The following TTC24 variants were observed in gnomAD, a reference collection of about 807,000 sequenced individuals.
The protein encoded by TTC24 is tetratricopeptide repeat domain 24, also known as tetratricopeptide repeat protein 24.
In TTC24, 54 loss-of-function variants were observed where a neutral mutation model predicts 63.3. That is an observed-to-expected ratio of 0.85 (90% CI 0.69 to 1.07). The LOEUF (loss-of-function observed/expected upper bound fraction) is 1.07, where lower values mean the gene tolerates loss of function less well. Among genes scored for constraint, TTC24 ranks in the 50% least tolerant of loss-of-function variants. The pLI, the probability that TTC24 is intolerant of heterozygous loss-of-function variation, is 0.00. For synonymous variants in TTC24, 276 were observed against 304.3 expected (o/e 0.91, Z 0.97); for missense variants, 680 against 730.5 (o/e 0.93, Z 0.80).
chr1:156,579,870 A>C (rs1348095489), intron 1 of TTC24, 112 bp downstream of exon 1: 4 of 151,970 alleles, frequency 2.6e-5, no homozygotes, highest in African/African-American at 9.7e-5. Flanking sequence ...AAGCAGGGGG[A>C]ATTTCTTTTA....
chr1:156,583,528 C>T lies in TTC24; in HGVS notation c.1152+78C>T, dbSNP rs766099331. 14 of 1,208,972 alleles carry T rather than the reference C, an allele frequency of 1.2e-5. No homozygotes were observed. Among genetic ancestry groups the T allele is most frequent in the Non-Finnish European group, 1.5e-5 (13 of 862,154 alleles). The allele number at this position is 1,208,972 out of a possible 1,614,324, so 74.9% of individuals were successfully genotyped here. A position where few individuals can be genotyped will look rare whatever the true frequency, so the allele number is the denominator to read the frequency against. ...TGACATTCCTGCCTTCACTCCTTGTCTTCTCCCCATCACTCACTCAATCAG... is the reference window on the plus strand; with the variant it reads ...TGACATTCCTGCCTTCACTCCTTGTTTTCTCCCCATCACTCACTCAATCAG... On this transcript the variant is annotated intron_variant, in intron 5 of 10. Transcript: ENST00000368236. The surrounding 1 kb of genome is among the most constrained non-coding windows in gnomAD (Gnocchi z 4.0).
At chr1:156,582,198 C>G in intron 2 of TTC24, 33 bp from the exon 3 acceptor site, 1 of 1,527,306 alleles carries the variant, frequency 6.5e-7, no homozygotes, top group Non-Finnish European at 8.8e-7. Flanking sequence ...TATATCTGGT[C>G]TGGCTACCAG....
In TTC24 at chr1:156,583,412, G is replaced by C; in HGVS notation, c.1114G>C (p.Ala372Pro). 1.9e-6 allele frequency: 3 copies of C among 1,611,090 alleles called. No homozygotes were observed. Among genetic ancestry groups the C allele is most frequent in the Non-Finnish European group, 2.5e-6 (3 of 1,178,896 alleles). ...AGCCAGGCTGGGGCAGTATGACCAG[G>C]CCTTGAAGTACTATAAGGAAGCACT... ...AAARLGQYDQ[A>P]LKYYKEALAQ... Residue 372 changes from alanine (A) to proline (P), a missense_variant, in exon 5 of 11, where the codon GCC becomes CCC. By Grantham distance (27) the Ala-to-Pro change is conservative (BLOSUM62 -1). Transcript: ENST00000368236. The surrounding 1 kb of genome is among the most constrained non-coding windows in gnomAD (Gnocchi z 4.0).
rs149543866 is a variant in TTC24 at position 156,584,101 on chromosome 1, G to A, written c.1251+206G>A. ...ACTGTGGCACGTCTCCAACACAAGG[G>A]CTGATATGTAGGTGATTAAAAATAA... On this transcript the variant is annotated intron_variant, in intron 6 of 10. Coordinates refer to ENST00000368236, the MANE Select transcript of TTC24 (RefSeq NM_001105669.4). Among the ~76,000 whole-genome samples the A allele has an allele frequency of 2.8e-3, 419 of 152,320 alleles. 5 individuals are homozygous for A. Among genetic ancestry groups the A allele is most frequent in the African/African-American group, 9.6e-3 (400 of 41,558 alleles).
At position 156,583,738 on chromosome 1, in the gene TTC24, C is replaced by T; in HGVS notation, c.1153-59C>T. ...TTTCCTGTTTCCTTCTTCCCCAACC[C>T]CCAGAGGACCATAAGGTCCAGGCAT... On this transcript the variant is annotated intron_variant, in intron 5 of 10. Transcript: ENST00000368236. This position sits in a 1 kb window ranked among gnomAD's most constrained non-coding sequence, Gnocchi z 4.0. The T allele has an allele frequency of 7.2e-7, 1 of 1,379,376 alleles. No homozygotes were observed. The allele number at this position is 1,379,376 out of a possible 1,614,324, so 85.4% of individuals were successfully genotyped here.
Position 156,583,322 on chromosome 1 carries a change from G to T in TTC24, c.1040-16G>T, listed in dbSNP as rs375722517. ...AGGAAGTCATGAAAGGACCTTCCAGGCTCTCTTTCTCTCAGGGGACATGAA... is the reference window on the plus strand; with the variant it reads ...AGGAAGTCATGAAAGGACCTTCCAGTCTCTCTTTCTCTCAGGGGACATGAA... On this transcript the variant is annotated splice_polypyrimidine_tract_variant and intron_variant, in intron 4 of 10. Transcript: ENST00000368236. The surrounding 1 kb of genome is among the most constrained non-coding windows in gnomAD (Gnocchi z 4.0). 1 of 1,611,908 alleles carries T rather than the reference G, an allele frequency of 6.2e-7. No homozygotes were observed. Among genetic ancestry groups the T allele is most frequent in the Non-Finnish European group, 8.5e-7 (1 of 1,178,980 alleles).
At position 156,583,680 on chromosome 1, in the gene TTC24, G is replaced by A. The variant is rs1018490092; in HGVS notation, c.1153-117G>A. The A allele has an allele frequency of 3.8e-5, 40 of 1,042,006 alleles. No individual in the cohort carries two copies. The highest frequency in any genetic ancestry group is 5.2e-5 in the Non-Finnish European group (36 of 695,680). The allele number at this position is 1,042,006 out of a possible 1,614,324, so 64.5% of individuals were successfully genotyped here. On this transcript the variant is annotated intron_variant, in intron 5 of 10. Coordinates refer to ENST00000368236, the MANE Select transcript of TTC24 (RefSeq NM_001105669.4). The surrounding 1 kb of genome is among the most constrained non-coding windows in gnomAD (Gnocchi z 4.0). The stretch of plus-strand genomic sequence containing the variant: ...GGAAAGGCATGGGGATGGGGTAGAA[G>A]AGAGGGGAAACAAAGCCCCCCTCCC...
rs748238721 is a variant in TTC24, at chr1:156,581,608, G to A, written c.244G>A (p.Ala82Thr). Reference protein sequence around the residue: ...TRDTPVLQACAFNLGAAYVET... With the variant: ...TRDTPVLQACTFNLGAAYVET... Reference sequence around the variant, plus strand: ...GGATACCCCTGTGCTCCAGGCCTGCGCCTTCAACCTGGGGGCTGCCTATGT... The same window carrying A: ...GGATACCCCTGTGCTCCAGGCCTGCACCTTCAACCTGGGGGCTGCCTATGT... The change falls in exon 2 of 11, where the codon GCC (alanine) becomes ACC (threonine). Residue 82 changes from alanine to threonine, a missense_variant. Physicochemically the swap from Ala to Thr is moderately conservative, Grantham distance 58. Coordinates refer to ENST00000368236, the MANE Select transcript of TTC24 (RefSeq NM_001105669.4). 3.9e-6 allele frequency: 6 copies of A among 1,551,730 alleles called. No homozygotes were observed. Among genetic ancestry groups the A allele is most frequent in the Non-Finnish European group, 5.2e-6 (6 of 1,147,002 alleles).
At chr1:156,584,833 C>T (rs1217672712) in intron 6 of TTC24, 44 bp from the exon 7 acceptor site, 1 of 1,385,162 alleles carries the variant, frequency 7.2e-7, no homozygotes, top group African/African-American at 1.5e-5. Flanking sequence ...GCTGGGATGG[C>T]CGTTTTTCTC....
At chr1:156,585,622 A>G (rs1677134195) in intron 8 of TTC24, 91 bp from the exon 9 acceptor site, 2 of 928,474 alleles carry the variant, frequency 2.2e-6, no homozygotes, top group Admixed American at 1.8e-5. Context: ...TCACTACTCA[A>G]TAGCATCTCC....
chr1:156,582,383 G>C lies in TTC24; in HGVS notation c.859G>C (p.Gly287Arg). 6.2e-7 allele frequency: 1 copy of C among 1,613,788 alleles called. No homozygotes were observed. The highest frequency in any genetic ancestry group is 8.5e-7 in the Non-Finnish European group (1 of 1,179,838). The change falls in exon 3 of 11, where the codon GGC (glycine) becomes CGC (arginine). Residue 287 changes from glycine to arginine, a missense_variant. Transcript: ENST00000368236. Reference sequence around the variant, plus strand: ...CCTCGGGATGGCCCACAATGCCCTCGGCAACTATCAGGAAGCTCGGGAGTT... The same window carrying C: ...CCTCGGGATGGCCCACAATGCCCTCCGCAACTATCAGGAAGCTCGGGAGTT... ...RNLGMAHNALGNYQEAREFHQ... is the reference protein window; with the variant it reads ...RNLGMAHNALRNYQEAREFHQ...
At position 156,582,977 on chromosome 1, in the gene TTC24, G is replaced by T. The variant is rs1017813740; in HGVS notation, c.911-65G>T. Reference sequence around the variant, plus strand: ...TGGGAGGTCTGTCTTGGTTGCTGGAGGGTGGGGTCCTGATGTCCCAGCAGC... The same window carrying T: ...TGGGAGGTCTGTCTTGGTTGCTGGATGGTGGGGTCCTGATGTCCCAGCAGC... On this transcript the variant is annotated intron_variant, in intron 3 of 10. Transcript: ENST00000368236. 3.2e-6 allele frequency: 5 copies of T among 1,554,574 alleles called. No individual in the cohort carries two copies. In the Admixed American group the frequency reaches 9.4e-5, roughly 29 times the overall value.
chr1:156,583,782 C>T lies in TTC24; in HGVS notation c.1153-15C>T, dbSNP rs1447852105. 15 of 1,544,732 alleles carry T rather than the reference C, an allele frequency of 9.7e-6. No homozygotes were observed. The highest frequency in any genetic ancestry group is 1.2e-5 in the Non-Finnish European group (14 of 1,141,830). On this transcript the variant is annotated splice_polypyrimidine_tract_variant and intron_variant, in intron 5 of 10. Transcript: ENST00000368236. This position sits in a 1 kb window ranked among gnomAD's most constrained non-coding sequence, Gnocchi z 4.0. Reference sequence around the variant, plus strand: ...CAGGCATTCCCCATTACCCTATTATCCACCCTCTTCCCAGAAGGAGCCAGA... The same window carrying T: ...CAGGCATTCCCCATTACCCTATTATTCACCCTCTTCCCAGAAGGAGCCAGA...
In TTC24 at chr1:156,584,801, C is replaced by G. The variant is rs369106171; in HGVS notation, c.1252-76C>G. ...CCCGAATTGTCTCTATCACATAAGT[C>G]TCTGGAGGGAGCACACACGTAGCTG... On this transcript the variant is annotated intron_variant, in intron 6 of 10. Transcript: ENST00000368236. The G allele has an allele frequency of 4.2e-4, 411 of 981,804 alleles. 1 individual carries two copies. Among genetic ancestry groups the G allele is most frequent in the South Asian group, 3.9e-3 (207 of 53,766 alleles). The allele number at this position is 981,804 out of a possible 1,614,324, so 60.8% of individuals were successfully genotyped here.
chr1:156,585,021 G>A (rs747719082), intron 7 of TTC24, 47 bp downstream of exon 7: 6 of 1,544,524 alleles, frequency 3.9e-6, no homozygotes, highest in Non-Finnish European at 5.3e-6. Flanking sequence ...CCTCTGCAGG[G>A]TGTTGGGGGC....
chr1:156,583,025 G>T lies in TTC24; in HGVS notation c.911-17G>T. ...AGCCAGAGTCCCCTCTGAGGATGGG[G>T]TGGGCTCTGTCCTCAGGCTCTGTGG... On this transcript the variant is annotated splice_polypyrimidine_tract_variant and intron_variant, in intron 3 of 10. Coordinates refer to ENST00000368236, the MANE Select transcript of TTC24 (RefSeq NM_001105669.4). The surrounding 1 kb of genome is among the most constrained non-coding windows in gnomAD (Gnocchi z 4.0). The T allele has an allele frequency of 6.2e-7, 1 of 1,602,198 alleles. No homozygotes were observed. The highest frequency in any genetic ancestry group is 1.1e-5 in the South Asian group (1 of 89,788).
At chr1:156,584,260 T>C (rs1488460880) in intron 6 of TTC24, among the ~76,000 whole-genome samples, 1 of 152,134 alleles carries the variant, frequency 6.6e-6, no homozygotes, top group African/African-American at 2.4e-5. Flanking sequence ...CGTCTTTAAG[T>C]CTCTGGAGGT....
At chr1:156,585,336 CGCCTTCCT>C in intron 8 of TTC24, 105 bp downstream of exon 8, 1 of 929,974 alleles carries the variant, frequency 1.1e-6, no homozygotes, top group South Asian at 1.7e-5. Context: ...CCCACCATCC[CGCCTTCCT>C]GTTGTCATTT....
chr1:156,583,252 G>T lies in TTC24; in HGVS notation c.1039+82G>T, dbSNP rs1677056653. ...GGGCTGGCGGGGAGGCAGATGGGGG[G>T]AACTGAGGGTAGGGAGTGCCTCTGA... is the stretch of plus-strand genomic sequence containing the variant. On this transcript the variant is annotated intron_variant, in intron 4 of 10. Coordinates refer to ENST00000368236, the MANE Select transcript of TTC24 (RefSeq NM_001105669.4). The surrounding 1 kb of genome is among the most constrained non-coding windows in gnomAD (Gnocchi z 4.0). 2.5e-6 allele frequency: 4 copies of T among 1,607,606 alleles called. No homozygotes were observed. The highest frequency in any genetic ancestry group is 3.4e-6 in the Non-Finnish European group (4 of 1,177,052).
Sources: gnomAD v4.1 joint callset for allele counts (sites outside exome capture counted in the v4.1 genomes callset) on GRCh38, gnomAD v4.1.1 for gene constraint, Gnocchi (gnomAD v3.1) non-coding constraint, MANE v1.5 for transcripts, NCBI Gene and HGNC (gene_info 2026-07-23, HGNC 2026-07-21) for gene names.